Variants in ATP6V1C2 observed in about 807,000 individuals in gnomAD.
ATP6V1C2 encodes the protein V-type proton ATPase subunit C 2.
ATP6V1C2 carries 45 observed loss-of-function variants against 56.8 expected under a neutral mutation model. The ratio of observed to expected loss-of-function variants is 0.79; its 90% CI spans 0.62 to 1.02. The LOEUF (loss-of-function observed/expected upper bound fraction) is 1.02, where lower values mean the gene tolerates loss of function less well. Among genes scored for constraint, ATP6V1C2 ranks in the 50% least tolerant of loss-of-function variants. The pLI, the probability that ATP6V1C2 is intolerant of heterozygous loss-of-function variation, is 0.00. For missense variants in ATP6V1C2, 463 were observed against 519.7 expected, an observed-to-expected ratio of 0.89 and a Z score of 1.06; for synonymous variants, 220 against 201.3, an observed-to-expected ratio of 1.09 and a Z score of -0.79.
intron 4 of ATP6V1C2, among the ~76,000 whole-genome samples, chr2:10,761,123 T>C (rs566313926): frequency 1.3e-5 from 2 of 152,208 alleles, no homozygotes; most frequent in Non-Finnish European, 2.9e-5. Flanking sequence ...AAGGAGTTGG[T>C]CTTTGCCTGT....
intron 5 of ATP6V1C2, among the ~76,000 whole-genome samples, chr2:10,765,994 T>A (rs1391101510): frequency 1.3e-5 from 2 of 152,178 alleles, no homozygotes; most frequent in African/African-American, 2.4e-5. Flanking sequence ...TCTCTTACTG[T>A]CCGCCTCATG....
chr2:10,751,695 T>G (rs1663224883), intron 3 of ATP6V1C2, among the ~76,000 whole-genome samples: 1 of 152,154 alleles, frequency 6.6e-6, no homozygotes, highest in Non-Finnish European at 1.5e-5. Context: ...TCTCCATCTG[T>G]AAAATGAGAT....
intron 3 of ATP6V1C2, among the ~76,000 whole-genome samples, chr2:10,736,564 C>T (rs950165913): frequency 6.6e-6 from 1 of 152,060 alleles, no homozygotes; most frequent in African/African-American, 2.4e-5. Context: ...ATACATTGAT[C>T]AATTTTATAA....
At chr2:10,762,905 G>T (rs1296560365) in intron 4 of ATP6V1C2, among the ~76,000 whole-genome samples, 1 of 152,004 alleles carries the variant, frequency 6.6e-6, no homozygotes, top group Non-Finnish European at 1.5e-5. Context: ...GTTCCTGCTG[G>T]CTTCTCCCCT....
At chr2:10,772,674 C>A in intron 8 of ATP6V1C2, 64 bp downstream of exon 8, 1 of 1,415,714 alleles carries the variant, frequency 7.1e-7, no homozygotes, top group Non-Finnish European at 1.0e-6. Context: ...TTCAGGGCAC[C>A]CAACCACCAA....
Position 10,772,558 on chromosome 2 carries a change from T to A in ATP6V1C2, c.586T>A (p.Trp196Arg). Residue 196 changes from tryptophan to arginine, a missense_variant, in exon 8 of 14, where the codon TGG becomes AGG. Coordinates refer to ENST00000272238, the MANE Select transcript of ATP6V1C2 (RefSeq NM_001039362.2). Reference protein sequence around the residue: ...VIVPKPNYSQWQKTYESLSDM... With the variant: ...VIVPKPNYSQRQKTYESLSDM... The stretch of plus-strand genomic sequence containing the variant: ...TTCTTGCAGACCAAACTACTCACAA[T>A]GGCAAAAAACCTACGAATCTCTCTC... 1 of 1,613,998 alleles carries A rather than the reference T, an allele frequency of 6.2e-7. No individual in the cohort carries two copies. The highest frequency in any genetic ancestry group is 8.5e-7 in the Non-Finnish European group (1 of 1,179,930).
chr2:10,767,764 T>C (rs1664322524), intron 5 of ATP6V1C2: 1 of 152,198 alleles, frequency 6.6e-6, no homozygotes. Flanking sequence ...AGTCTACCAT[T>C]TTAATATAAT....
intron 3 of ATP6V1C2, among the ~76,000 whole-genome samples, chr2:10,730,465 G>A (rs1661887410): frequency 6.6e-6 from 1 of 151,968 alleles, no homozygotes; most frequent in Non-Finnish European, 1.5e-5. Context: ...TAAAAATTGG[G>A]TTCTCTGTGT....
At chr2:10,744,672 T>TC (rs1662776262) in intron 3 of ATP6V1C2, among the ~76,000 whole-genome samples, 1 of 140,426 alleles carries the variant, frequency 7.1e-6, no homozygotes, top group Non-Finnish European at 1.6e-5. Context: ...TCTTTTTCTT[T>TC]TTTTTTTTTT....
At chr2:10,783,092 C>A in intron 13 of ATP6V1C2, 82 bp from the exon 14 acceptor site, 1 of 1,067,546 alleles carries the variant, frequency 9.4e-7, no homozygotes, top group Non-Finnish European at 1.5e-6. Context: ...CGCTCAGTGC[C>A]TGGCGAGCTT....
intron 1 of ATP6V1C2, 94 bp from the exon 2 acceptor site, chr2:10,722,730 G>C: frequency 7.4e-7 from 1 of 1,352,984 alleles, no homozygotes; most frequent in Non-Finnish European, 1.0e-6. Context: ...TCCTAGAAAG[G>C]ATGAATTGGA....
Position 10,753,971 on chromosome 2 carries a change from C to G in ATP6V1C2, c.198-10C>G. 1.3e-6 allele frequency: 2 copies of G among 1,596,494 alleles called. No individual in the cohort carries two copies. Among genetic ancestry groups the G allele is most frequent in the Non-Finnish European group, 1.7e-6 (2 of 1,169,622 alleles). ...TACTCTAACCGGCTCTTTTTCTTCT[C>G]TCTCCAAAGCCTCATAAGGAGAATG... is the stretch of plus-strand genomic sequence containing the variant. On this transcript the variant is annotated splice_polypyrimidine_tract_variant and intron_variant, in intron 3 of 13. Coordinates refer to ENST00000272238, the MANE Select transcript of ATP6V1C2 (RefSeq NM_001039362.2).
chr2:10,752,917 A>G (rs928524761), intron 3 of ATP6V1C2, among the ~76,000 whole-genome samples: 1 of 152,024 alleles, frequency 6.6e-6, no homozygotes, highest in African/African-American at 2.4e-5. Flanking sequence ...AATCACTTGA[A>G]CCCGGGAGGC....
At position 10,772,545 on chromosome 2, in the gene ATP6V1C2, A is replaced by G. The variant is rs1221180231; in HGVS notation, c.573A>G (p.Pro191=). 6.2e-7 allele frequency: 1 copy of G among 1,613,846 alleles called. No individual in the cohort carries two copies. Among genetic ancestry groups the G allele is most frequent in the African/African-American group, 1.3e-5 (1 of 75,048 alleles). ...TAACGATTCTATGTTCTTGCAGACC[A>G]AACTACTCACAATGGCAAAAAACCT... ...LVTLLVIVPK[P]NYSQWQKTYE... Residue 191 remains proline (P), a synonymous_variant, in exon 8 of 14, where the codon CCA becomes CCG. Coordinates refer to ENST00000272238, the MANE Select transcript of ATP6V1C2 (RefSeq NM_001039362.2).
intron 4 of ATP6V1C2, among the ~76,000 whole-genome samples, chr2:10,762,311 A>C (rs1663960504): frequency 6.6e-6 from 1 of 151,688 alleles, no homozygotes. Flanking sequence ...ATGCCCAGCT[A>C]ATTCTTACAT....
chr2:10,763,386 C>A lies in ATP6V1C2; in HGVS notation c.284-945C>A, dbSNP rs1216346176. On this transcript the variant is annotated intron_variant, in intron 4 of 13. Transcript: ENST00000272238. The surrounding 1 kb of genome is among the most constrained non-coding windows in gnomAD (Gnocchi z 4.2). The stretch of plus-strand genomic sequence containing the variant: ...CCCTTAGCACTCTAGGCGGTTATCA[C>A]TGGGCCCCCAGCTCTCTGCGGTGTG... Among the ~76,000 whole-genome samples the A allele has an allele frequency of 6.6e-6, 1 of 152,198 alleles. No individual in the cohort carries two copies. The highest frequency in any genetic ancestry group is 1.5e-5 in the Non-Finnish European group (1 of 68,020).
rs1558421294 is a variant in ATP6V1C2, at chr2:10,772,528, CTA to C, written c.570-12_570-11del. 10 of 1,611,570 alleles carry C rather than the reference CTA, an allele frequency of 6.2e-6. No individual in the cohort carries two copies. Among genetic ancestry groups the C allele is most frequent in the Non-Finnish European group, 8.5e-6 (10 of 1,177,732 alleles). On this transcript the variant is annotated splice_polypyrimidine_tract_variant and intron_variant, in intron 7 of 13. Coordinates refer to ENST00000272238, the MANE Select transcript of ATP6V1C2 (RefSeq NM_001039362.2). ...TTCTGCAAAAAATCACGTAACGATTCTATGTTCTTGCAGACCAAACTACTCAC... is the reference window on the plus strand; with the variant it reads ...TTCTGCAAAAAATCACGTAACGATTCTGTTCTTGCAGACCAAACTACTCAC...
At chr2:10,755,539 A>C (rs1239044726) in intron 4 of ATP6V1C2, among the ~76,000 whole-genome samples, 1 of 152,084 alleles carries the variant, frequency 6.6e-6, no homozygotes, top group Non-Finnish European at 1.5e-5. Flanking sequence ...CCCCTTCATA[A>C]ATTCATGGCT....
At chr2:10,782,829 C>CGAA (rs1665461562) in intron 13 of ATP6V1C2, among the ~76,000 whole-genome samples, 1 of 52,202 alleles carries the variant, frequency 1.9e-5, no homozygotes, top group African/African-American at 6.3e-5. Context: ...GACTCTGTCT[C>CGAA]AAAAAAAAAA....
Sources: gnomAD v4.1 joint callset for allele counts (sites outside exome capture counted in the v4.1 genomes callset) on GRCh38, gnomAD v4.1.1 for gene constraint, Gnocchi (gnomAD v3.1) non-coding constraint, MANE v1.5 for transcripts, NCBI Gene and HGNC (gene_info 2026-07-23, HGNC 2026-07-21) for gene names.